The following TPO variants were observed in gnomAD, a reference collection of about 807,000 sequenced individuals.
TPO encodes thyroid microsomal antigen.
TPO carries 78 observed loss-of-function variants against 96.9 expected under a neutral mutation model. The observed-to-expected ratio is 0.81, with a 90% CI of 0.67 to 0.97. The LOEUF is 0.97. Among genes scored for constraint, TPO ranks in the 50% least tolerant of loss-of-function variants. The pLI is 0.00. For missense variants in TPO, 1,252 were observed against 1,274.8 expected (o/e 0.98, Z 0.27); for synonymous variants, 547 against 538.0 (o/e 1.02, Z -0.23).
intron 14 of TPO, among the ~76,000 whole-genome samples, chr2:1,504,639 C>T (rs551537843): frequency 1.3e-5 from 2 of 152,228 alleles, no homozygotes; most frequent in African/African-American, 2.4e-5. Context: ...TGCCTCCAAG[C>T]CAGGTGCCAG....
chr2:1,522,749 GTCCTCAAATCCCCCCACTGTGTGCAACC>G (rs1675457261), intron 15 of TPO, among the ~76,000 whole-genome samples: 1 of 129,426 alleles, frequency 7.7e-6, no homozygotes, highest in African/African-American at 3.0e-5. Flanking sequence ...TGTATGCAAG[GTCCTCAAATCCCCCCACTGTGTGCAACC>G]TCCTCAAATC....
intron 7 of TPO, among the ~76,000 whole-genome samples, chr2:1,474,916 C>T (rs1387960251): frequency 6.6e-6 from 1 of 152,208 alleles, no homozygotes; most frequent in African/African-American, 2.4e-5. Flanking sequence ...ATTAATTTAA[C>T]TTTCTCATTT....
rs184551495 is a variant in TPO at position 1,460,493 on chromosome 2, C to T, written c.819+4211C>T. Among the ~76,000 whole-genome samples, 83 of 152,072 alleles carry T rather than the reference C, an allele frequency of 5.5e-4. 1 individual carries two copies. In the East Asian group the frequency reaches 0.011, roughly 19 times the overall value. ...GGCTTGCCTTGTAACTTATTATCTGCGTGTATATAGGTTTGTTGTCCATAA... is the reference window on the plus strand; with the variant it reads ...GGCTTGCCTTGTAACTTATTATCTGTGTGTATATAGGTTTGTTGTCCATAA... On this transcript the variant is annotated intron_variant, in intron 7 of 16. Transcript: ENST00000329066.
At chr2:1,500,600 A>G (rs1672776368) in intron 13 of TPO, among the ~76,000 whole-genome samples, 1 of 152,218 alleles carries the variant, frequency 6.6e-6, no homozygotes, top group Admixed American at 6.5e-5. Context: ...TTTGATACAG[A>G]AAAACAAATA....
Position 1,542,642 on chromosome 2 carries a change from T to C in TPO, c.*168T>C. On this transcript the variant is annotated 3_prime_UTR_variant, in exon 17 of 17. Transcript: ENST00000329066. ...CTCAGGCATGGATGAATAAATGTTA[T>C]AGCTGCATTTGTCTGGCCTTTTCTT... 1.9e-6 allele frequency: 3 copies of C among 1,540,532 alleles called. No individual in the cohort carries two copies. The highest frequency in any genetic ancestry group is 1.2e-5 in the South Asian group (1 of 82,542).
intron 8 of TPO, among the ~76,000 whole-genome samples, chr2:1,482,128 G>T (rs1670704109): frequency 6.6e-6 from 1 of 152,228 alleles, no homozygotes; most frequent in Non-Finnish European, 1.5e-5. Flanking sequence ...TTTGAAAGCA[G>T]TCGAGAGTCA....
At chr2:1,422,948 A>T in intron 2 of TPO, 97 bp from the exon 3 acceptor site, 1 of 1,361,162 alleles carries the variant, frequency 7.3e-7, no homozygotes, top group South Asian at 1.2e-5. Flanking sequence ...CCACGTGGGC[A>T]TCACCGCAGC....
intron 15 of TPO, among the ~76,000 whole-genome samples, chr2:1,526,583 T>G (rs909621387): frequency 7.0e-5 from 10 of 143,578 alleles, no homozygotes; most frequent in Non-Finnish European, 1.5e-4. Context: ...CCCACGCCAC[T>G]GTGAGCAACC....
intron 5 of TPO, among the ~76,000 whole-genome samples, chr2:1,436,659 C>G (rs1284832521): frequency 6.6e-6 from 1 of 152,202 alleles, no homozygotes; most frequent in African/African-American, 2.4e-5. Context: ...TTCCACCGCC[C>G]TTCACCTAAG....
In TPO at chr2:1,422,329, G is replaced by GCGCCGCGCTGGACTGACCTCGTGCAGC. The variant is rs796601069; in HGVS notation, c.95-712_95-711insGCGCTGGACTGACCTCGTGCAGCCGCC. 3.8e-3 allele frequency among the ~76,000 whole-genome samples: 320 copies of GCGCCGCGCTGGACTGACCTCGTGCAGC among 83,188 alleles called. 4 individuals carry two copies. Among genetic ancestry groups the GCGCCGCGCTGGACTGACCTCGTGCAGC allele is most frequent in the African/African-American group, 7.1e-3 (146 of 20,528 alleles). 54.6% of individuals were successfully genotyped at this position (83,188 alleles called of 152,430 possible). ...CCTCTCCTGGACAGACCTCGTGCAGGCGCCTCTCCTGGACCGACCTCGTGC... is the reference window on the plus strand; with the variant it reads ...CCTCTCCTGGACAGACCTCGTGCAGGCGCCGCGCTGGACTGACCTCGTGCAGCCGCCTCTCCTGGACCGACCTCGTGC... On this transcript the variant is annotated intron_variant, in intron 2 of 16. Coordinates refer to ENST00000329066, the MANE Select transcript of TPO (RefSeq NM_001206744.2).
intron 2 of TPO, among the ~76,000 whole-genome samples, chr2:1,421,709 G>T (rs907457433): frequency 6.6e-6 from 1 of 152,184 alleles, no homozygotes; most frequent in Non-Finnish European, 1.5e-5. Flanking sequence ...GTGGGAACAG[G>T]AGGTTCCCTG....
At chr2:1,509,992 C>T (rs1454774835) in intron 14 of TPO, among the ~76,000 whole-genome samples, 1 of 152,162 alleles carries the variant, frequency 6.6e-6, no homozygotes, top group Non-Finnish European at 1.5e-5. Context: ...GACACCACAC[C>T]CTCTTGTTTC....
At chr2:1,472,458 G>A (rs895766616) in intron 7 of TPO, among the ~76,000 whole-genome samples, 5 of 152,146 alleles carry the variant, frequency 3.3e-5, no homozygotes, top group Non-Finnish European at 5.9e-5. Flanking sequence ...ATATTCTCTT[G>A]AATGTTGTTA....
At chr2:1,524,126 T>TCCCCCCC (rs1675849655) in intron 15 of TPO, among the ~76,000 whole-genome samples, 1 of 82,020 alleles carries the variant, frequency 1.2e-5, no homozygotes, top group Non-Finnish European at 2.5e-5. Context: ...CCTCCCCAAA[T>TCCCCCCC]ACCCCCAACT....
chr2:1,540,361 T>TC (rs1192761464), intron 15 of TPO, among the ~76,000 whole-genome samples: 2 of 152,164 alleles, frequency 1.3e-5, no homozygotes, highest in Non-Finnish European at 2.9e-5. Context: ...GGAGACAGGG[T>TC]CCTCTTGGCT....
intron 16 of TPO, 97 bp from the exon 17 acceptor site, chr2:1,542,324 G>GCTCCTGTCCAGGCC: frequency 6.6e-7 from 1 of 1,510,096 alleles, no homozygotes; most frequent in Non-Finnish European, 9.1e-7. Context: ...TGTGAAAAGA[G>GCTCCTGTCCAGGCC]CTCCTGTCCA....
At chr2:1,537,550 CTCCTGAAATCCCCCAACTGTGTTCAACA>C (rs1680092360) in intron 15 of TPO, among the ~76,000 whole-genome samples, 2 of 72,962 alleles carry the variant, frequency 2.7e-5, no homozygotes, top group Non-Finnish European at 5.8e-5. Flanking sequence ...AGTGTGCAAC[CTCCTGAAATCCCCCAACTGTGTTCAACA>C]CCCCCAAATC....
At chr2:1,538,497 CATAAG>C (rs200234886) in intron 15 of TPO, among the ~76,000 whole-genome samples, 3,551 of 152,272 alleles carry the variant, frequency 0.023, 53 homozygotes, top group Middle Eastern at 0.041. Flanking sequence ...TTTAAAAAGA[CATAAG>C]AGCTCTCTAG....
In TPO at chr2:1,518,951, G is replaced by T. The variant is rs147965033; in HGVS notation, c.2618+1969G>T. On this transcript the variant is annotated intron_variant, in intron 15 of 16. Coordinates refer to ENST00000329066, the MANE Select transcript of TPO (RefSeq NM_001206744.2). ...AATGAGACTGTCCTGGAGTAGAGGG[G>T]CCCCTAATTCAGTATAGCTGGTGTT... 7.9e-5 allele frequency among the ~76,000 whole-genome samples: 12 copies of T among 152,330 alleles called. No individual in the cohort carries two copies. In the South Asian group the frequency reaches 2.5e-3, roughly 32 times the overall value.
Sources: gnomAD v4.1 joint callset for allele counts (sites outside exome capture counted in the v4.1 genomes callset) on GRCh38, gnomAD v4.1.1 for gene constraint, MANE v1.5 for transcripts, NCBI Gene and HGNC (gene_info 2026-07-23, HGNC 2026-07-21) for gene names.